Variants in PHACTR2 observed in about 807,000 individuals in gnomAD.
PHACTR2 encodes chromosome 6 open reading frame 56.
Under a neutral mutation model 76.0 loss-of-function variants are expected in PHACTR2, and 30 were observed. The observed-to-expected ratio is 0.39, with a 90% CI of 0.30 to 0.54. The LOEUF (loss-of-function observed/expected upper bound fraction) is 0.54. PHACTR2 is among the 20% of genes least tolerant of loss of function. The pLI, the probability that PHACTR2 is intolerant of heterozygous loss-of-function variation, is 0.61. For missense variants in PHACTR2, 696 were observed against 781.1 expected (o/e 0.89, Z 1.30); for synonymous variants, 292 against 292.5 (o/e 1.00, Z 0.02).
In PHACTR2 at chr6:143,618,256, A is replaced by AACAC. The variant is rs66800720; in HGVS notation, c.13+9961_13+9964dup. Reference sequence around the variant, plus strand: ...GTTCCACCTTGTACTTCCTGCTCCAAACACACACACACACACACACACACA... The same window carrying AACAC: ...GTTCCACCTTGTACTTCCTGCTCCAAACACACACACACACACACACACACACACA... On this transcript the variant is annotated intron_variant, in intron 1 of 11. Coordinates refer to the PHACTR2 transcript ENST00000305766. The surrounding 1 kb of genome is among the most constrained non-coding windows in gnomAD (Gnocchi z 5.2). 0.087 allele frequency among the ~76,000 whole-genome samples: 12,574 copies of AACAC among 145,196 alleles called. 545 individuals are homozygous for AACAC. The highest frequency in any genetic ancestry group is 0.18 in the East Asian group (912 of 4,938).
At chr6:143,788,688 T>G in intron 10 of PHACTR2, 85 bp from the exon 11 acceptor site, 1 of 1,025,660 alleles carries the variant, frequency 9.7e-7, no homozygotes. Flanking sequence ...TAACCATAAC[T>G]TTGAAGTGTT....
rs1171036065 is a variant in PHACTR2, at chr6:143,598,349, A to G, written c.217+61142A>G. 3.9e-5 allele frequency among the ~76,000 whole-genome samples: 6 copies of G among 152,182 alleles called. No individual in the cohort carries two copies. ...AATGAGGCTGTAACCAAAGAATGCA[A>G]CTGAGCCTAGGAGGTGGAAGAGACC... On this transcript the variant is annotated intron_variant, in intron 1 of 11. Coordinates refer to the PHACTR2 transcript ENST00000367584. This position sits in a 1 kb window ranked among gnomAD's most constrained non-coding sequence, Gnocchi z 4.1.
Position 143,589,423 on chromosome 6 carries a change from A to G in PHACTR2, c.217+52216A>G, listed in dbSNP as rs1011922642. On this transcript the variant is annotated intron_variant, in intron 1 of 11. Transcript: ENST00000367584. The surrounding 1 kb of genome is among the most constrained non-coding windows in gnomAD (Gnocchi z 4.4). ...GCCTGCTTCCTCTTTGCCTTTTGCC[A>G]TGATTCCAAGTTTCCTGAGGCCTCC... Among the ~76,000 whole-genome samples, 2 of 152,124 alleles carry G rather than the reference A, an allele frequency of 1.3e-5. No homozygotes were observed. Among genetic ancestry groups the G allele is most frequent in the Non-Finnish European group, 2.9e-5 (2 of 68,012 alleles).
intron 1 of PHACTR2, among the ~76,000 whole-genome samples, chr6:143,687,313 T>C (rs1777547465): frequency 6.6e-6 from 1 of 152,304 alleles, no homozygotes; most frequent in Non-Finnish European, 1.5e-5. Context: ...CTTAATGCAG[T>C]GGGGAAGGAA....
upstream of PHACTR2, among the ~76,000 whole-genome samples, chr6:143,677,147 A>G (rs1341388362): frequency 1.3e-5 from 2 of 152,168 alleles, no homozygotes; most frequent in South Asian, 2.1e-4. Context: ...CATAAAATGA[A>G]CACATCCAGT....
At chr6:143,632,201 A>G (rs1776374667) in intron 1 of PHACTR2, among the ~76,000 whole-genome samples, 1 of 152,316 alleles carries the variant, frequency 6.6e-6, no homozygotes, top group South Asian at 2.1e-4. Flanking sequence ...TATCTCGAGC[A>G]CTGCCTCAAA....
Position 143,592,701 on chromosome 6 carries a change from C to G in PHACTR2, c.217+55494C>G, listed in dbSNP as rs1042717265. 1.3e-5 allele frequency among the ~76,000 whole-genome samples: 2 copies of G among 152,060 alleles called. No individual in the cohort carries two copies. Among genetic ancestry groups the G allele is most frequent in the African/African-American group, 4.8e-5 (2 of 41,402 alleles). ...TCCTACTTAGACTTGGGTTCCATCC[C>G]CAGTTCATTCCATATTCATTGTCTA... is the stretch of plus-strand genomic sequence containing the variant. On this transcript the variant is annotated intron_variant, in intron 1 of 11. Transcript: ENST00000367584. This position sits in a 1 kb window ranked among gnomAD's most constrained non-coding sequence, Gnocchi z 4.0.
intron 1 of PHACTR2, among the ~76,000 whole-genome samples, chr6:143,661,603 C>A (rs577759581): frequency 6.6e-6 from 1 of 150,392 alleles, no homozygotes; most frequent in South Asian, 2.1e-4. Flanking sequence ...GCTCTGTCAC[C>A]CAAGCTGGAA....
At position 143,581,299 on chromosome 6, in the gene PHACTR2, A is replaced by G. The variant is rs1162258328; in HGVS notation, c.217+44092A>G. Among the ~76,000 whole-genome samples, 1 of 152,226 alleles carries G rather than the reference A, an allele frequency of 6.6e-6. No homozygotes were observed. The highest frequency in any genetic ancestry group is 1.5e-5 in the Non-Finnish European group (1 of 68,046). On this transcript the variant is annotated intron_variant, in intron 1 of 11. Coordinates refer to the PHACTR2 transcript ENST00000367584. The surrounding 1 kb of genome is among the most constrained non-coding windows in gnomAD (Gnocchi z 4.5). ...GACCGGGAGGTATGTAGATGACTGT[A>G]TCAAGTTATCCTCCTGACCGGGCGC...
chr6:143,703,731 T>C (rs1202722367), intron 1 of PHACTR2, among the ~76,000 whole-genome samples: 3 of 152,186 alleles, frequency 2.0e-5, no homozygotes, highest in African/African-American at 7.2e-5. Context: ...AAAGGAACCA[T>C]CAGCTGATAA....
At chr6:143,693,857 A>G (rs1582778773) in intron 1 of PHACTR2, among the ~76,000 whole-genome samples, 1 of 152,220 alleles carries the variant, frequency 6.6e-6, no homozygotes, top group African/African-American at 2.4e-5. Flanking sequence ...AGAAAATGGA[A>G]TATGTGTTCA....
Position 143,709,582 on chromosome 6 carries a change from G to T in PHACTR2, c.47-2434G>T, listed in dbSNP as rs760704959. Among the ~76,000 whole-genome samples the T allele has an allele frequency of 6.6e-6, 1 of 152,154 alleles. No individual in the cohort carries two copies. The highest frequency in any genetic ancestry group is 2.4e-5 in the African/African-American group (1 of 41,430). On this transcript the variant is annotated intron_variant, in intron 1 of 12. Transcript: ENST00000440869. This position sits in a 1 kb window ranked among gnomAD's most constrained non-coding sequence, Gnocchi z 4.4. ...CTTTGTCTGACACCTCTATAGCAGG[G>T]GAAGCAGTGGGTGCCGCCTTGTCAC...
rs1775457979 is a variant in PHACTR2, at chr6:143,782,653, T to G, written c.1646-566T>G. On this transcript the variant is annotated intron_variant, in intron 9 of 12. Transcript: ENST00000440869. This position sits in a 1 kb window ranked among gnomAD's most constrained non-coding sequence, Gnocchi z 4.6. ...CATCATAACCTCATTTAGAACATTC[T>G]GGTTTGAAAGCAAAGTCCAAGGAAA... 6.6e-6 allele frequency among the ~76,000 whole-genome samples: 1 copy of G among 152,186 alleles called. No individual in the cohort carries two copies. The highest frequency in any genetic ancestry group is 1.5e-5 in the Non-Finnish European group (1 of 68,034).
At chr6:143,670,501 T>A (rs758422560) in intron 1 of PHACTR2, among the ~76,000 whole-genome samples, 7 of 152,202 alleles carry the variant, frequency 4.6e-5, no homozygotes, top group Non-Finnish European at 8.8e-5. Flanking sequence ...GGTTTGGTCT[T>A]TTCACATAGT....
rs1442747193 is a variant in PHACTR2 at position 143,816,878 on chromosome 6, C to T, written c.1923-6796C>T. ...GCCAGGAGTTCAAGACCAGCCTGGT[C>T]AACATGGCACAATGCTGTCTCTACA... On this transcript the variant is annotated intron_variant, in intron 12 of 12. Transcript: ENST00000440869. The surrounding 1 kb of genome is among the most constrained non-coding windows in gnomAD (Gnocchi z 4.5). Among the ~76,000 whole-genome samples, 8 of 152,146 alleles carry T rather than the reference C, an allele frequency of 5.3e-5. No homozygotes were observed. The highest frequency in any genetic ancestry group is 5.2e-4 in the Admixed American group (8 of 15,272).
At position 143,688,876 on chromosome 6, in the gene PHACTR2, C is replaced by T. The variant is rs150493665; in HGVS notation, c.46+10667C>T. 6.6e-6 allele frequency among the ~76,000 whole-genome samples: 1 copy of T among 152,322 alleles called. No individual in the cohort carries two copies. The highest frequency in any genetic ancestry group is 2.4e-5 in the African/African-American group (1 of 41,580). On this transcript the variant is annotated intron_variant, in intron 1 of 12. Transcript: ENST00000440869. This position sits in a 1 kb window ranked among gnomAD's most constrained non-coding sequence, Gnocchi z 5.2. The stretch of plus-strand genomic sequence containing the variant: ...TAAAGCATAAATCATGTCACTCACT[C>T]ACTCAAAACCTTCCTGTCCTCCCAC...
At chr6:143,796,472 T>G (rs1775825476) in intron 11 of PHACTR2, among the ~76,000 whole-genome samples, 1 of 152,074 alleles carries the variant, frequency 6.6e-6, no homozygotes, top group African/African-American at 2.4e-5. Context: ...GTAGGTTTGT[T>G]ACATAGGTAT....
At position 143,619,737 on chromosome 6, in the gene PHACTR2, T is replaced by C. The variant is rs1029988575; in HGVS notation, c.13+11415T>C. ...CTTCACATCCTGGGTCTTATTTTCTTAGTAAGGGAAATTTGGCAACCCTCC... is the reference window on the plus strand; with the variant it reads ...CTTCACATCCTGGGTCTTATTTTCTCAGTAAGGGAAATTTGGCAACCCTCC... On this transcript the variant is annotated intron_variant, in intron 1 of 11. Coordinates refer to the PHACTR2 transcript ENST00000305766. This position sits in a 1 kb window ranked among gnomAD's most constrained non-coding sequence, Gnocchi z 4.5. 2.6e-5 allele frequency among the ~76,000 whole-genome samples: 4 copies of C among 152,328 alleles called. No homozygotes were observed. Among genetic ancestry groups the C allele is most frequent in the Non-Finnish European group, 1.5e-5 (1 of 68,026 alleles).
Position 143,823,208 on chromosome 6 carries a change from A to G in PHACTR2, c.1923-466A>G, listed in dbSNP as rs1776462419. On this transcript the variant is annotated intron_variant, in intron 12 of 12. Transcript: ENST00000440869. This position sits in a 1 kb window ranked among gnomAD's most constrained non-coding sequence, Gnocchi z 5.7. ...CGCCCTGTGGGCTTTTGGAAATTCA[A>G]GTGTAGAAAGTAGATTTGGAGTCGT... Among the ~76,000 whole-genome samples the G allele has an allele frequency of 6.6e-6, 1 of 152,222 alleles. No homozygotes were observed. The highest frequency in any genetic ancestry group is 6.5e-5 in the Admixed American group (1 of 15,282).
Sources: gnomAD v4.1 joint callset for allele counts (sites outside exome capture counted in the v4.1 genomes callset) on GRCh38, gnomAD v4.1.1 for gene constraint, Gnocchi (gnomAD v3.1) non-coding constraint, MANE v1.5 for transcripts, NCBI Gene and HGNC (gene_info 2026-07-23, HGNC 2026-07-21) for gene names.